Variants in HMGN5 observed in about 807,000 individuals in gnomAD.
HMGN5 encodes the protein high mobility group nucleosome-binding domain-containing protein 5.
In HMGN5, 4 loss-of-function variants were observed where a neutral mutation model predicts 9.5. The observed-to-expected ratio is 0.42, with a 90% CI of 0.21 to 0.96. The LOEUF is 0.96. Ranked by LOEUF, HMGN5 falls within the 40% of genes least tolerant of loss-of-function variation. The pLI is 0.30. For synonymous variants in HMGN5, 55 were observed against 57.1 expected, an observed-to-expected ratio of 0.96 and a Z score of 0.16; for missense variants, 192 against 187.5, an observed-to-expected ratio of 1.02 and a Z score of -0.14.
At chrX:81,162,153 G>A (rs762312275) in intron 1 of HMGN5, among the ~76,000 whole-genome samples, 1 of 110,691 alleles carries the variant, frequency 9.0e-6, no homozygotes, top group African/African-American at 3.3e-5. Flanking sequence ...TAAGTTTAAG[G>A]GGGTTATACC....
At chrX:81,177,475 A>T (rs2075446595) in intron 1 of HMGN5, among the ~76,000 whole-genome samples, 1 of 108,727 alleles carries the variant, frequency 9.2e-6, no homozygotes, top group African/African-American at 3.3e-5. Context: ...GAAGGCCATT[A>T]CATGATGGTG....
intron 1 of HMGN5, among the ~76,000 whole-genome samples, chrX:81,190,778 A>AT (rs893261635): frequency 4.6e-5 from 5 of 109,407 alleles, no homozygotes; most frequent in East Asian, 2.8e-4. Flanking sequence ...GTCTAGACTC[A>AT]TTTTTTTTTA....
At chrX:81,123,098 A>G (rs1187199916) in intron 1 of HMGN5, among the ~76,000 whole-genome samples, 1 of 111,686 alleles carries the variant, frequency 9.0e-6, no homozygotes, top group Non-Finnish European at 1.9e-5. Flanking sequence ...TAAGAGATAA[A>G]CACTGTATCT....
At chrX:81,138,733 A>T (rs1456999013) in intron 1 of HMGN5, among the ~76,000 whole-genome samples, 2 of 111,458 alleles carry the variant, frequency 1.8e-5, no homozygotes, top group African/African-American at 6.5e-5. Flanking sequence ...TACATAGAAA[A>T]TCCATTGAAG....
chrX:81,122,336 G>A (rs1267717129), intron 1 of HMGN5, among the ~76,000 whole-genome samples: 1 of 112,150 alleles, frequency 8.9e-6, no homozygotes, highest in Non-Finnish European at 1.9e-5. Context: ...CGAGGGAAAT[G>A]TGTAATAGCA....
At position 81,177,367 on chromosome X, in the gene HMGN5, C is replaced by CAAAAAA. The variant is rs148090852; in HGVS notation, c.-124+24364_-124+24369dup. On this transcript the variant is annotated intron_variant, in intron 1 of 6. Coordinates refer to ENST00000358130, the MANE Select transcript of HMGN5 (RefSeq NM_030763.3). ...GAAGATCTACCAAGCAAATGGAAAG[C>CAAAAAA]AAAAAAAAAAAAAAAAAAAAAAAAA... Among the ~76,000 whole-genome samples the CAAAAAA allele has an allele frequency of 1.3e-3, 14 of 10,676 alleles. 1 individual carries two copies. Among genetic ancestry groups the CAAAAAA allele is most frequent in the African/African-American group, 2.9e-3 (10 of 3,475 alleles). 9.3% of individuals were successfully genotyped at this position (10,676 alleles called of 115,157 possible). A position where few individuals can be genotyped will look rare whatever the true frequency, so the allele number is the denominator to read the frequency against.
At chrX:81,152,587 T>C (rs982477997) in intron 1 of HMGN5, among the ~76,000 whole-genome samples, 7 of 111,130 alleles carry the variant, frequency 6.3e-5, no homozygotes, top group Admixed American at 9.6e-5. Flanking sequence ...GTCAGTGTGG[T>C]GATCCCTCAG....
chrX:81,135,026 A>G (rs1010420250), intron 1 of HMGN5, among the ~76,000 whole-genome samples: 2 of 111,790 alleles, frequency 1.8e-5, no homozygotes, highest in Non-Finnish European at 3.8e-5. Context: ...AACTCTTATA[A>G]TAAAACATAA....
intron 1 of HMGN5, among the ~76,000 whole-genome samples, chrX:81,200,467 C>A (rs971352398): frequency 2.7e-5 from 3 of 111,677 alleles, no homozygotes; most frequent in African/African-American, 9.8e-5. Context: ...CTCAAATGTC[C>A]CAGTGATAGA....
chrX:81,200,085 A>G (rs182128220), intron 1 of HMGN5, among the ~76,000 whole-genome samples: 15 of 112,848 alleles, frequency 1.3e-4, no homozygotes, highest in African/African-American at 4.5e-4. Context: ...ACATTTCTCA[A>G]AAGAAGACAT....
chrX:81,190,419 A>G (rs1164652768), intron 1 of HMGN5, among the ~76,000 whole-genome samples: 1 of 111,084 alleles, frequency 9.0e-6, no homozygotes, highest in East Asian at 2.8e-4. Flanking sequence ...ATTTTAGGAC[A>G]TTCTCACGAC....
chrX:81,183,129 A>G (rs1368498323), intron 1 of HMGN5, among the ~76,000 whole-genome samples: 1 of 112,085 alleles, frequency 8.9e-6, no homozygotes, highest in Non-Finnish European at 1.9e-5. Flanking sequence ...TGAAACTGGA[A>G]CTTATATTTA....
intron 1 of HMGN5, among the ~76,000 whole-genome samples, chrX:81,155,077 A>G (rs1213071962): frequency 2.3e-5 from 2 of 85,225 alleles, no homozygotes; most frequent in African/African-American, 4.4e-5. Flanking sequence ...ATATATCAGT[A>G]TATATATATA....
At chrX:81,195,780 G>T (rs939355626) in intron 1 of HMGN5, among the ~76,000 whole-genome samples, 2 of 111,762 alleles carry the variant, frequency 1.8e-5, no homozygotes, top group Admixed American at 9.5e-5. Context: ...TACTGCTCAG[G>T]GACAACGCAT....
intron 1 of HMGN5, among the ~76,000 whole-genome samples, chrX:81,173,000 T>C (rs1035673562): frequency 2.7e-5 from 3 of 111,553 alleles, no homozygotes; most frequent in Non-Finnish European, 5.7e-5. Context: ...TACAAATGAA[T>C]TTGTTCGAGT....
At chrX:81,188,454 T>G (rs1446556453) in intron 1 of HMGN5, among the ~76,000 whole-genome samples, 2 of 109,950 alleles carry the variant, frequency 1.8e-5, no homozygotes, top group Non-Finnish European at 3.8e-5. Context: ...TGTTTTTGAC[T>G]GGTTCATCAT....
chrX:81,159,728 C>T (rs2075393527), intron 1 of HMGN5, among the ~76,000 whole-genome samples: 1 of 109,517 alleles, frequency 9.1e-6, no homozygotes, highest in African/African-American at 3.3e-5. Context: ...ACTATGTTGT[C>T]CAGTCTGGTC....
At chrX:81,142,996 G>A (rs935989728) in intron 1 of HMGN5, among the ~76,000 whole-genome samples, 2 of 111,708 alleles carry the variant, frequency 1.8e-5, no homozygotes, top group Non-Finnish European at 3.8e-5. Flanking sequence ...AAGTTAAGGT[G>A]TAAAGTTTTT....
chrX:81,179,046 G>A (rs1382915037), intron 1 of HMGN5, among the ~76,000 whole-genome samples: 2 of 111,333 alleles, frequency 1.8e-5, no homozygotes, highest in Admixed American at 9.5e-5. Flanking sequence ...TTGATGGGAC[G>A]TATCTCAAAA....
Sources: allele counts gnomAD v4.1 joint callset (sites outside exome capture counted in the v4.1 genomes callset), GRCh38; gene constraint gnomAD v4.1.1; transcripts MANE v1.5; gene names NCBI Gene and HGNC (gene_info 2026-07-23, HGNC 2026-07-21).